The following ARHGAP21 variants were observed in gnomAD, a reference collection of about 807,000 sequenced individuals.
The protein encoded by ARHGAP21 is Rho GTPase activating protein 21.
A neutral mutation model predicts 164.6 loss-of-function variants in ARHGAP21; 38 were observed. The observed-to-expected ratio is 0.23, with a 90% CI of 0.18 to 0.30. The LOEUF (loss-of-function observed/expected upper bound fraction) is 0.30. ARHGAP21 is among the 10% of genes least tolerant of loss of function. The pLI, the probability that ARHGAP21 is intolerant of heterozygous loss-of-function variation, is 1.00. For synonymous variants in ARHGAP21, 766 were observed against 857.9 expected, an observed-to-expected ratio of 0.89 and a Z score of 1.87; for missense variants, 1,822 against 2,370.7, an observed-to-expected ratio of 0.77 and a Z score of 4.81.
intron 9 of ARHGAP21, among the ~76,000 whole-genome samples, chr10:24,609,721 A>G (rs1196914557): frequency 1.3e-5 from 2 of 152,248 alleles, no homozygotes; most frequent in Non-Finnish European, 2.9e-5. Flanking sequence ...TACTTTTCAC[A>G]TACACTTTAA....
At chr10:24,677,257 A>T (rs1841344380) in intron 2 of ARHGAP21, among the ~76,000 whole-genome samples, 1 of 152,170 alleles carries the variant, frequency 6.6e-6, no homozygotes, top group Non-Finnish European at 1.5e-5. Flanking sequence ...CTTTCTCTGC[A>T]AGCTCCATTG....
chr10:24,598,199 T>C lies in ARHGAP21; in HGVS notation c.3133-190A>G, dbSNP rs151086940. 3.5e-4 allele frequency among the ~76,000 whole-genome samples: 53 copies of C among 152,304 alleles called. No homozygotes were observed. The East Asian group carries it at 9.6e-3, about 28-fold the overall frequency. ...AAGATTTTCCAAGTGCCTCCCAACA[T>C]TGCCAAAGGGTTTTGCTTCTTTTCT... On this transcript the variant is annotated intron_variant, in intron 14 of 25. Transcript: ENST00000396432.
At chr10:24,631,040 C>G (rs575167934) in intron 6 of ARHGAP21, among the ~76,000 whole-genome samples, 1 of 152,054 alleles carries the variant, frequency 6.6e-6, no homozygotes, top group Non-Finnish European at 1.5e-5. Flanking sequence ...TTAGAAAGTT[C>G]AAAGGGGTAA....
chr10:24,633,881 C>CTA (rs1836088038), intron 5 of ARHGAP21, among the ~76,000 whole-genome samples: 1 of 98,492 alleles, frequency 1.0e-5, no homozygotes, highest in South Asian at 3.6e-4. Context: ...GTCTTTTTTT[C>CTA]TCTTTTTTTT....
intron 4 of ARHGAP21, among the ~76,000 whole-genome samples, chr10:24,636,240 T>C (rs1234478155): frequency 1.3e-5 from 2 of 152,208 alleles, no homozygotes; most frequent in Non-Finnish European, 2.9e-5. Context: ...GAGAGGACAT[T>C]TAAGCTAAGT....
At chr10:24,606,382 TC>T (rs1391740894) in intron 11 of ARHGAP21, among the ~76,000 whole-genome samples, 1 of 151,996 alleles carries the variant, frequency 6.6e-6, no homozygotes, top group Non-Finnish European at 1.5e-5. Context: ...ATATAAAAAA[TC>T]AGTTCACAGA....
chr10:24,589,014 C>G (rs1272306504), intron 25 of ARHGAP21, among the ~76,000 whole-genome samples: 1 of 152,102 alleles, frequency 6.6e-6, no homozygotes, highest in East Asian at 1.9e-4. Flanking sequence ...ACCTAATTTT[C>G]ACATTAAAGA....
At chr10:24,630,627 G>T (rs932262816) in intron 6 of ARHGAP21, among the ~76,000 whole-genome samples, 1 of 152,120 alleles carries the variant, frequency 6.6e-6, no homozygotes, top group African/African-American at 2.4e-5. Context: ...AAGTAGCTGG[G>T]ACTACAGGGC....
chr10:24,594,793 T>G (rs2076508288), intron 21 of ARHGAP21, among the ~76,000 whole-genome samples, 157 bp downstream of exon 21: 1 of 152,266 alleles, frequency 6.6e-6, no homozygotes, highest in Admixed American at 6.5e-5. Context: ...ACTGGTATTT[T>G]GGGATCTTTT....
chr10:24,618,348 T>C lies in ARHGAP21; in HGVS notation c.2422+1125A>G, dbSNP rs11014177. On this transcript the variant is annotated intron_variant, in intron 9 of 25. Transcript: ENST00000396432. Reference sequence around the variant, plus strand: ...CAAAGATTTTAAATCTCTGCTCTCATGTAGTTTATGTTTTAGTTCTACTGA... The same window carrying C: ...CAAAGATTTTAAATCTCTGCTCTCACGTAGTTTATGTTTTAGTTCTACTGA... Among the ~76,000 whole-genome samples, 1,441 of 152,296 alleles carry C rather than the reference T, an allele frequency of 9.5e-3. 27 individuals are homozygous for C. The highest frequency in any genetic ancestry group is 0.033 in the African/African-American group (1,365 of 41,554).
chr10:24,712,965 G>A (rs549390661), intron 2 of ARHGAP21, among the ~76,000 whole-genome samples: 1 of 147,806 alleles, frequency 6.8e-6, no homozygotes, highest in African/African-American at 2.5e-5. Flanking sequence ...TATTACAGAG[G>A]TATTACCTCA....
chr10:24,692,474 C>T (rs964399824), intron 2 of ARHGAP21, among the ~76,000 whole-genome samples: 14 of 152,130 alleles, frequency 9.2e-5, no homozygotes, highest in African/African-American at 3.4e-4. Flanking sequence ...TTCTTATAAA[C>T]CAGCTCTATA....
chr10:24,591,698 A>C lies in ARHGAP21; in HGVS notation c.4003-15T>G, dbSNP rs1165812782. 2.5e-6 allele frequency: 4 copies of C among 1,613,814 alleles called. No individual in the cohort carries two copies. Among genetic ancestry groups the C allele is most frequent in the Non-Finnish European group, 2.5e-6 (3 of 1,179,690 alleles). On this transcript the variant is annotated splice_polypyrimidine_tract_variant and intron_variant, in intron 22 of 25. Transcript: ENST00000396432. ...AACCAGTCATGCTAAAATTTAAAAA[A>C]GGTGAGAAGAGAAATTAAACAAGCC...
At chr10:24,600,571 A>G in intron 14 of ARHGAP21, 75 bp downstream of exon 14, 1 of 1,494,324 alleles carries the variant, frequency 6.7e-7, no homozygotes, top group South Asian at 1.4e-5. Flanking sequence ...AAAATGATAT[A>G]TCATATTCCT....
chr10:24,590,207 A>G, intron 24 of ARHGAP21: 1 of 1,449,290 alleles, frequency 6.9e-7, no homozygotes, highest in Non-Finnish European at 9.0e-7. Flanking sequence ...AGACCATACC[A>G]TGCTATTTCT....
intron 4 of ARHGAP21, among the ~76,000 whole-genome samples, chr10:24,653,329 C>T (rs575577979): frequency 2.0e-5 from 3 of 152,230 alleles, no homozygotes; most frequent in Non-Finnish European, 2.9e-5. Flanking sequence ...AATCCCAGCA[C>T]TTTGGGAGGC....
intron 3 of ARHGAP21, among the ~76,000 whole-genome samples, chr10:24,668,465 G>A (rs1840399524): frequency 6.6e-6 from 1 of 152,160 alleles, no homozygotes; most frequent in African/African-American, 2.4e-5. Flanking sequence ...GCAATGGGAT[G>A]GACAGCATCC....
intron 6 of ARHGAP21, among the ~76,000 whole-genome samples, chr10:24,631,263 C>T (rs528604788): frequency 6.6e-6 from 1 of 152,240 alleles, no homozygotes; most frequent in South Asian, 2.1e-4. Flanking sequence ...TCTCAGGAGG[C>T]TGAGGCAGGA....
At chr10:24,692,084 G>A (rs947348231) in intron 2 of ARHGAP21, among the ~76,000 whole-genome samples, 1 of 152,196 alleles carries the variant, frequency 6.6e-6, no homozygotes, top group African/African-American at 2.4e-5. Context: ...TTTACTAATA[G>A]TGCAGGTGTT....
Sources: allele counts gnomAD v4.1 joint callset (sites outside exome capture counted in the v4.1 genomes callset), GRCh38; gene constraint gnomAD v4.1.1; transcripts MANE v1.5; gene names NCBI Gene and HGNC (gene_info 2026-07-23, HGNC 2026-07-21).